Variants in RFTN2 observed in about 807,000 individuals in gnomAD.
RFTN2 encodes raftlin family member 2.
RFTN2 carries 34 observed loss-of-function variants against 52.7 expected under a neutral mutation model. The ratio of observed to expected loss-of-function variants is 0.64; its 90% CI spans 0.49 to 0.86. RFTN2 has a LOEUF of 0.86. Ranked by LOEUF, RFTN2 falls within the 40% of genes least tolerant of loss-of-function variation. The pLI is 0.00. For synonymous variants in RFTN2, 203 were observed against 217.7 expected (o/e 0.93, Z 0.59); for missense variants, 536 against 600.1 (o/e 0.89, Z 1.12).
intron 8 of RFTN2, among the ~76,000 whole-genome samples, chr2:197,591,617 T>C (rs1475399317): frequency 1.3e-5 from 2 of 152,004 alleles, no homozygotes; most frequent in East Asian, 3.9e-4. Flanking sequence ...CAGCACTCAT[T>C]GGGGAGGCTC....
At chr2:197,583,828 C>T (rs2087549943) in intron 8 of RFTN2, among the ~76,000 whole-genome samples, 1 of 152,014 alleles carries the variant, frequency 6.6e-6, no homozygotes, top group Admixed American at 6.6e-5. Flanking sequence ...CTTCTTGAGT[C>T]CAAGTGTTCT....
intron 8 of RFTN2, among the ~76,000 whole-genome samples, chr2:197,587,329 AT>A (rs1402499785): frequency 6.6e-6 from 1 of 151,980 alleles, no homozygotes; most frequent in Non-Finnish European, 1.5e-5. Context: ...ATTTTGTTTT[AT>A]TTTTCTTATT....
chr2:197,624,023 T>A (rs1335364452), intron 5 of RFTN2, among the ~76,000 whole-genome samples: 2 of 152,070 alleles, frequency 1.3e-5, no homozygotes, highest in South Asian at 4.2e-4. Context: ...GGTCTCGAAC[T>A]CCTGACCTCA....
chr2:197,640,623 C>G (rs1412055601), intron 3 of RFTN2, among the ~76,000 whole-genome samples: 1 of 152,202 alleles, frequency 6.6e-6, no homozygotes. Context: ...CACTGACCTG[C>G]GCCCACTGTC....
At chr2:197,635,239 T>C (rs1476628153) in intron 3 of RFTN2, among the ~76,000 whole-genome samples, 2 of 152,302 alleles carry the variant, frequency 1.3e-5, no homozygotes, top group East Asian at 3.9e-4. Context: ...TATAGTCCTT[T>C]GGGTATATAC....
intron 7 of RFTN2, among the ~76,000 whole-genome samples, chr2:197,614,601 AC>A (rs1367509032): frequency 1.3e-5 from 2 of 152,126 alleles, no homozygotes; most frequent in African/African-American, 4.8e-5. Flanking sequence ...AGTCACAGGC[AC>A]CCACCCCTAG....
chr2:197,616,494 G>T (rs1371462827), intron 6 of RFTN2, among the ~76,000 whole-genome samples: 2 of 151,772 alleles, frequency 1.3e-5, no homozygotes, highest in African/African-American at 4.8e-5. Context: ...GTCTCACTAT[G>T]TTGCCCAGGC....
intron 7 of RFTN2, among the ~76,000 whole-genome samples, chr2:197,613,679 T>G (rs1328510935): frequency 6.6e-6 from 1 of 152,222 alleles, no homozygotes; most frequent in Non-Finnish European, 1.5e-5. Context: ...AGGCAGAGAA[T>G]AAACAAGATT....
intron 1 of RFTN2, 49 bp from the exon 2 acceptor site, chr2:197,646,715 T>G (rs370527576): frequency 7.1e-7 from 1 of 1,413,378 alleles, no homozygotes; most frequent in Non-Finnish European, 9.8e-7. Context: ...AAGATTGAAT[T>G]ATACATTATT....
chr2:197,663,891 CTGTT>C (rs1437497641), intron 1 of RFTN2, among the ~76,000 whole-genome samples: 1 of 151,810 alleles, frequency 6.6e-6, no homozygotes, highest in Non-Finnish European at 1.5e-5. Context: ...CATTATTAGA[CTGTT>C]TATTTGAAAT....
At chr2:197,630,920 GC>G (rs937243706) in intron 5 of RFTN2, 90 bp downstream of exon 5, 2 of 816,644 alleles carry the variant, frequency 2.4e-6, no homozygotes, top group African/African-American at 3.5e-5. Context: ...TGTCCTTTCA[GC>G]CATAGAACTT....
intron 5 of RFTN2, among the ~76,000 whole-genome samples, chr2:197,623,791 T>C (rs2106221741): frequency 6.6e-6 from 1 of 152,330 alleles, no homozygotes; most frequent in Non-Finnish European, 1.5e-5. Flanking sequence ...CTCAGCCTCC[T>C]GAGTAGCTGG....
At chr2:197,655,568 G>A (rs773319181) in intron 1 of RFTN2, among the ~76,000 whole-genome samples, 3 of 152,190 alleles carry the variant, frequency 2.0e-5, no homozygotes, top group Non-Finnish European at 2.9e-5. Context: ...GCTCACGCCT[G>A]TAATCCCAGC....
At chr2:197,669,679 C>T (rs2089116722) in intron 1 of RFTN2, among the ~76,000 whole-genome samples, 1 of 152,216 alleles carries the variant, frequency 6.6e-6, no homozygotes, top group Non-Finnish European at 1.5e-5. Context: ...CTATGAGAAT[C>T]CAATGCCGTT....
chr2:197,625,678 C>T (rs1350681968), intron 5 of RFTN2, among the ~76,000 whole-genome samples: 2 of 116,684 alleles, frequency 1.7e-5, no homozygotes, highest in East Asian at 4.8e-4. Context: ...CCTCTCCTCT[C>T]CTCTCCTCTC....
Position 197,631,069 on chromosome 2 carries a change from A to C in RFTN2, c.870T>G (p.Phe290Leu), listed in dbSNP as rs577539501. ...TTAAAGACAAGCCTTGTTTATAATA[A>C]AAGGTAGTTAACTCCAGCCAATCAG... Reference protein sequence around the residue: ...LDADWLELTTFYYKQGLSLID... With the variant: ...LDADWLELTTLYYKQGLSLID... The change falls in exon 5 of 9, where the codon TTT (phenylalanine) becomes TTG (leucine). Residue 290 changes from phenylalanine (F) to leucine (L), a missense_variant. By Grantham distance (22) the Phe-to-Leu change is conservative. Transcript: ENST00000295049. The C allele has an allele frequency of 1.2e-6, 2 of 1,613,270 alleles. No individual in the cohort carries two copies. The highest frequency in any genetic ancestry group is 2.2e-5 in the South Asian group (2 of 91,032).
chr2:197,639,990 T>C (rs1445528122), intron 3 of RFTN2, among the ~76,000 whole-genome samples: 1 of 152,152 alleles, frequency 6.6e-6, no homozygotes, highest in Non-Finnish European at 1.5e-5. Context: ...TCTGTTGGAA[T>C]ACCCTGCCGT....
At position 197,571,263 on chromosome 2, in the gene RFTN2, TACTC is replaced by T. The variant is rs1442422355; in HGVS notation, c.*741_*744del. On this transcript the variant is annotated 3_prime_UTR_variant, in exon 9 of 9. Coordinates refer to ENST00000295049, the MANE Select transcript of RFTN2 (RefSeq NM_144629.3). Reference sequence around the variant, plus strand: ...TTTAAAATAAAAAAAAATTAAATCTTACTCTCTACTAAGGTATTTATGTATTGAG... The same window carrying T: ...TTTAAAATAAAAAAAAATTAAATCTTTCTACTAAGGTATTTATGTATTGAG... The T allele has an allele frequency of 1.3e-5, 2 of 152,212 alleles. No individual in the cohort carries two copies. Among genetic ancestry groups the T allele is most frequent in the Non-Finnish European group, 2.9e-5 (2 of 68,040 alleles). 9.4% of individuals were successfully genotyped at this position (152,212 alleles called of 1,614,324 possible).
chr2:197,622,974 T>C (rs2088293118), intron 5 of RFTN2, among the ~76,000 whole-genome samples: 1 of 152,228 alleles, frequency 6.6e-6, no homozygotes, highest in African/African-American at 2.4e-5. Context: ...TTATTGACAA[T>C]GTACTTGGTC....
Sources: gnomAD v4.1 joint callset for allele counts (sites outside exome capture counted in the v4.1 genomes callset) on GRCh38, gnomAD v4.1.1 for gene constraint, MANE v1.5 for transcripts, NCBI Gene and HGNC (gene_info 2026-07-23, HGNC 2026-07-21) for gene names.